Variants in MTUS2 observed in about 807,000 individuals in gnomAD.
The protein encoded by MTUS2 is microtubule associated scaffold protein 2.
Under a neutral mutation model 114.1 loss-of-function variants are expected in MTUS2, and 40 were observed. That is an observed-to-expected ratio of 0.35 (90% CI 0.27 to 0.46). The LOEUF (loss-of-function observed/expected upper bound fraction) is 0.46, where lower values mean the gene tolerates loss of function less well. Among genes scored for constraint, MTUS2 ranks in the 20% least tolerant of loss-of-function variants. The pLI is 1.00. For synonymous variants in MTUS2, 688 were observed against 672.0 expected (o/e 1.02, Z -0.37); for missense variants, 1,679 against 1,705.4 (o/e 0.98, Z 0.27).
intron 2 of MTUS2, among the ~76,000 whole-genome samples, chr13:28,844,421 A>C (rs1212704966): frequency 6.7e-6 from 1 of 150,208 alleles, no homozygotes; most frequent in Non-Finnish European, 1.5e-5. Flanking sequence ...GTGTGCGCGC[A>C]TGTGTGCGTG....
chr13:28,922,020 G>A lies in MTUS2; in HGVS notation c.-243+82170G>A, dbSNP rs552223037. ...TCATGTCAAATTGTAATTTCCACGT[G>A]TTGGGTAGGGACCTGGTAGGAGGGG... On this transcript the variant is annotated intron_variant, in intron 2 of 15. Coordinates refer to ENST00000612955, the MANE Select transcript of MTUS2 (RefSeq NM_001033602.4). Among the ~76,000 whole-genome samples the A allele has an allele frequency of 3.3e-5, 5 of 152,300 alleles. No individual in the cohort carries two copies. In the South Asian group the frequency reaches 1.0e-3, roughly 32 times the overall value.
intron 2 of MTUS2, among the ~76,000 whole-genome samples, chr13:28,918,357 A>G (rs1483011727): frequency 6.6e-6 from 1 of 151,922 alleles, no homozygotes; most frequent in African/African-American, 2.4e-5. Flanking sequence ...TGGGTGCTCT[A>G]TCACTGGGAT....
intron 2 of MTUS2, among the ~76,000 whole-genome samples, chr13:28,867,672 A>G (rs2453703): frequency 0.66 from 99,730 of 152,128 alleles, 35,272 homozygotes; most frequent in Non-Finnish European, 0.79. Flanking sequence ...GGAAGTTACT[A>G]TATCTAGCAG....
At chr13:29,198,014 T>C (rs1458538823) in intron 5 of MTUS2, among the ~76,000 whole-genome samples, 1 of 152,228 alleles carries the variant, frequency 6.6e-6, no homozygotes, top group African/African-American at 2.4e-5. Context: ...TTCCGTTCTA[T>C]AGGTTGCCTG....
intron 5 of MTUS2, among the ~76,000 whole-genome samples, chr13:29,235,614 G>T (rs59859953): frequency 0.024 from 3,719 of 152,036 alleles, 99 homozygotes; most frequent in East Asian, 0.068. Flanking sequence ...GAATTATCCC[G>T]ATTCAGATTT....
At chr13:29,057,521 A>G (rs1179112588) in intron 4 of MTUS2, among the ~76,000 whole-genome samples, 2 of 152,058 alleles carry the variant, frequency 1.3e-5, no homozygotes, top group East Asian at 3.9e-4. Context: ...AGGTCTTCTC[A>G]TTGAACTGAA....
intron 2 of MTUS2, among the ~76,000 whole-genome samples, chr13:28,972,862 T>C (rs1449125241): frequency 6.6e-6 from 1 of 152,184 alleles, no homozygotes; most frequent in East Asian, 1.9e-4. Flanking sequence ...GCTGCAGACT[T>C]TTTAAGAGAA....
At chr13:28,929,373 A>G (rs943581194) in intron 2 of MTUS2, among the ~76,000 whole-genome samples, 1 of 152,210 alleles carries the variant, frequency 6.6e-6, no homozygotes, top group East Asian at 1.9e-4. Context: ...AGAGATCCCA[A>G]TGACACTGAT....
At chr13:29,090,757 T>G (rs537883498) in intron 4 of MTUS2, among the ~76,000 whole-genome samples, 6 of 152,244 alleles carry the variant, frequency 3.9e-5, no homozygotes, top group Non-Finnish European at 7.3e-5. Context: ...GTCTGGTAGC[T>G]AATGAAGGCT....
chr13:28,951,979 T>C (rs1450375994), intron 2 of MTUS2, among the ~76,000 whole-genome samples: 1 of 152,084 alleles, frequency 6.6e-6, no homozygotes, highest in East Asian at 1.9e-4. Flanking sequence ...ATAGAGTGCC[T>C]GTGTGCAGCA....
chr13:28,994,894 T>C (rs1020886016), intron 2 of MTUS2, among the ~76,000 whole-genome samples: 1 of 152,194 alleles, frequency 6.6e-6, no homozygotes, highest in African/African-American at 2.4e-5. Flanking sequence ...GTGCAGAAGC[T>C]CTTTAGTTTA....
intron 3 of MTUS2, among the ~76,000 whole-genome samples, chr13:29,030,802 G>A (rs1053011049): frequency 2.6e-5 from 4 of 151,958 alleles, no homozygotes; most frequent in Admixed American, 1.3e-4. Context: ...CATCCTTATC[G>A]ACAGATCCCT....
At chr13:29,168,519 C>G (rs916803190) in intron 5 of MTUS2, among the ~76,000 whole-genome samples, 2 of 152,156 alleles carry the variant, frequency 1.3e-5, no homozygotes, top group Admixed American at 6.5e-5. Flanking sequence ...TAACTAACAA[C>G]TACAGTGTCA....
In MTUS2 at chr13:29,231,506, C is replaced by CACTA. The variant is rs201987741; in HGVS notation, c.2645-50196_2645-50193dup. Among the ~76,000 whole-genome samples, 5 of 152,270 alleles carry CACTA rather than the reference C, an allele frequency of 3.3e-5. No individual in the cohort carries two copies. The East Asian group carries it at 9.6e-4, about 29-fold the overall frequency. Reference sequence around the variant, plus strand: ...CATGCAACTTGTCCTGCACGTTTTGCACTAATTCTTCAATACCCTGAACAA... The same window carrying CACTA: ...CATGCAACTTGTCCTGCACGTTTTGCACTAACTAATTCTTCAATACCCTGAACAA... On this transcript the variant is annotated intron_variant, in intron 5 of 15. Coordinates refer to ENST00000612955, the MANE Select transcript of MTUS2 (RefSeq NM_001033602.4).
chr13:29,409,791 ATTC>A (rs1390379855), intron 8 of MTUS2, among the ~76,000 whole-genome samples: 2 of 145,184 alleles, frequency 1.4e-5, no homozygotes, highest in Non-Finnish European at 3.0e-5. Flanking sequence ...CATTTTCTTC[ATTC>A]GTCTTTTTTT....
At chr13:29,343,102 A>C (rs1901482676) in intron 7 of MTUS2, among the ~76,000 whole-genome samples, 1 of 151,976 alleles carries the variant, frequency 6.6e-6, no homozygotes, top group Admixed American at 6.6e-5. Context: ...TTCGTCAGGG[A>C]AATTGGTCTG....
intron 5 of MTUS2, among the ~76,000 whole-genome samples, chr13:29,141,364 T>C (rs1892212025): frequency 6.6e-6 from 1 of 152,162 alleles, no homozygotes; most frequent in African/African-American, 2.4e-5. Flanking sequence ...AGGTAAGCCT[T>C]AACAGATACA....
chr13:29,132,176 T>C (rs1303815061), intron 5 of MTUS2, among the ~76,000 whole-genome samples: 1 of 152,222 alleles, frequency 6.6e-6, no homozygotes, highest in African/African-American at 2.4e-5. Context: ...ATACTTTTCT[T>C]TTTTTATGGG....
At chr13:28,943,925 A>C (rs1882377637) in intron 2 of MTUS2, among the ~76,000 whole-genome samples, 3 of 152,186 alleles carry the variant, frequency 2.0e-5, no homozygotes, top group African/African-American at 7.2e-5. Context: ...TTTTAAAAAA[A>C]TCAATTTACT....
Sources: allele counts gnomAD v4.1 joint callset (sites outside exome capture counted in the v4.1 genomes callset), GRCh38; gene constraint gnomAD v4.1.1; transcripts MANE v1.5; gene names NCBI Gene and HGNC (gene_info 2026-07-23, HGNC 2026-07-21).